KCNJ16: variants seen among roughly 807,000 people sequenced by gnomAD.
KCNJ16 encodes potassium inwardly rectifying channel subfamily J member 16.
A neutral mutation model predicts 18.5 loss-of-function variants in KCNJ16; 15 were observed. The observed-to-expected ratio is 0.81, with a 90% CI of 0.54 to 1.25. The LOEUF (loss-of-function observed/expected upper bound fraction) is 1.25. Among genes scored for constraint, KCNJ16 ranks in the 50% most tolerant of loss-of-function variants. The pLI, the probability that KCNJ16 is intolerant of heterozygous loss-of-function variation, is 0.00. For synonymous variants in KCNJ16, 174 were observed against 186.5 expected, an observed-to-expected ratio of 0.93 and a Z score of 0.55; for missense variants, 523 against 525.7, an observed-to-expected ratio of 0.99 and a Z score of 0.05.
At chr17:70,107,920 T>C (rs1186532119) in intron 2 of KCNJ16, among the ~76,000 whole-genome samples, 1 of 152,190 alleles carries the variant, frequency 6.6e-6, no homozygotes, top group Non-Finnish European at 1.5e-5. Context: ...ATGAAGCTCT[T>C]CCTTAAATTC....
Position 70,133,011 on chromosome 17 carries a change from T to C in KCNJ16, c.924T>C (p.His308=), listed in dbSNP as rs1470205987. The C allele has an allele frequency of 1.2e-6, 2 of 1,613,964 alleles. No individual in the cohort carries two copies. Among genetic ancestry groups the C allele is most frequent in the Non-Finnish European group, 1.7e-6 (2 of 1,179,990 alleles). The change falls in exon 4 of 4, where the codon CAT becomes CAC. Residue 308 remains histidine, a synonymous_variant. Coordinates refer to ENST00000392671, the MANE Select transcript of KCNJ16 (RefSeq NM_170741.4). ...SYVPREILWG[H]RFNDVLEVKR... Reference sequence around the variant, plus strand: ...TTCCCCGAGAAATTCTCTGGGGCCATAGGTTTAATGATGTCTTGGAAGTTA... The same window carrying C: ...TTCCCCGAGAAATTCTCTGGGGCCACAGGTTTAATGATGTCTTGGAAGTTA...
At chr17:70,092,545 TAGATATA>T (rs2072153556) in intron 1 of KCNJ16, among the ~76,000 whole-genome samples, 1 of 111,034 alleles carries the variant, frequency 9.0e-6, no homozygotes, top group African/African-American at 3.8e-5. Context: ...TAGATATAGA[TAGATATA>T]GATAGATGAT....
At chr17:70,102,515 C>T (rs1010926219) in intron 2 of KCNJ16, among the ~76,000 whole-genome samples, 8 of 151,998 alleles carry the variant, frequency 5.3e-5, no homozygotes, top group Admixed American at 2.6e-4. Context: ...CGTGAGCCAC[C>T]GCTACCTGCA....
intron 2 of KCNJ16, among the ~76,000 whole-genome samples, chr17:70,109,878 T>A (rs2073106907): frequency 6.6e-6 from 1 of 152,160 alleles, no homozygotes; most frequent in African/African-American, 2.4e-5. Flanking sequence ...CCCCACAATC[T>A]GCTAGCATGG....
intron 1 of KCNJ16, among the ~76,000 whole-genome samples, chr17:70,081,810 G>C (rs1273175981): frequency 8.2e-6 from 1 of 121,562 alleles, no homozygotes; most frequent in Non-Finnish European, 1.5e-5. Flanking sequence ...CATGCTCTGT[G>C]TGTGTGTGTG....
chr17:70,081,535 A>G (rs1476882181), intron 1 of KCNJ16, among the ~76,000 whole-genome samples: 2 of 152,234 alleles, frequency 1.3e-5, no homozygotes, highest in African/African-American at 2.4e-5. Flanking sequence ...ATCAAGTACA[A>G]TAGAAATCAG....
intron 1 of KCNJ16, among the ~76,000 whole-genome samples, chr17:70,090,541 A>T (rs1441082869): frequency 6.6e-6 from 1 of 152,210 alleles, no homozygotes; most frequent in African/African-American, 2.4e-5. Context: ...CATACGATAG[A>T]CATTGAAAAA....
intron 1 of KCNJ16, among the ~76,000 whole-genome samples, chr17:70,087,183 T>C (rs1246748776): frequency 6.6e-6 from 1 of 151,944 alleles, no homozygotes; most frequent in Non-Finnish European, 1.5e-5. Flanking sequence ...GCTGGGATTA[T>C]AGACATTATC....
intron 2 of KCNJ16, among the ~76,000 whole-genome samples, chr17:70,111,754 CA>C (rs2073193838): frequency 1.3e-5 from 2 of 152,108 alleles, no homozygotes; most frequent in East Asian, 3.9e-4. Flanking sequence ...TAGTAAGTCT[CA>C]CGAGAGCTGA....
chr17:70,112,089 C>G (rs1448829884), intron 2 of KCNJ16, among the ~76,000 whole-genome samples: 1 of 152,186 alleles, frequency 6.6e-6, no homozygotes, highest in Non-Finnish European at 1.5e-5. Flanking sequence ...CTTGATGGCA[C>G]AGCATAGATG....
chr17:70,100,088 T>C (rs535626925), intron 1 of KCNJ16, among the ~76,000 whole-genome samples: 1 of 152,224 alleles, frequency 6.6e-6, no homozygotes, highest in South Asian at 2.1e-4. Context: ...GCAGTTAGAA[T>C]AACAGGAAGC....
chr17:70,104,433 G>A (rs2143893673), intron 2 of KCNJ16, among the ~76,000 whole-genome samples: 1 of 152,312 alleles, frequency 6.6e-6, no homozygotes, highest in Admixed American at 6.5e-5. Context: ...ACGCTTCCTT[G>A]AAACCCAAAT....
intron 1 of KCNJ16, among the ~76,000 whole-genome samples, chr17:70,080,181 T>G (rs868310904): frequency 2.6e-5 from 4 of 152,228 alleles, no homozygotes; most frequent in African/African-American, 9.6e-5. Context: ...ATATTTTGGC[T>G]GTTACATAAT....
chr17:70,131,300 T>G, intron 3 of KCNJ16: 1 of 1,167,900 alleles, frequency 8.6e-7, no homozygotes, highest in Non-Finnish European at 1.1e-6. Flanking sequence ...CTGGGAGTAG[T>G]TTTAGGTCCA....
chr17:70,113,511 C>T (rs2073274664), intron 2 of KCNJ16, among the ~76,000 whole-genome samples: 1 of 152,142 alleles, frequency 6.6e-6, no homozygotes, highest in Non-Finnish European at 1.5e-5. Flanking sequence ...CAGTCCCTTA[C>T]TGTCATTGGT....
At chr17:70,131,808 G>A (rs1478716845) in intron 3 of KCNJ16, among the ~76,000 whole-genome samples, 187 bp from the exon 4 acceptor site, 1 of 152,046 alleles carries the variant, frequency 6.6e-6, no homozygotes, top group Non-Finnish European at 1.5e-5. Flanking sequence ...TTCTCTAATT[G>A]CATATTTTGC....
At chr17:70,108,020 G>C (rs2073010971) in intron 2 of KCNJ16, among the ~76,000 whole-genome samples, 1 of 152,116 alleles carries the variant, frequency 6.6e-6, no homozygotes, top group South Asian at 2.1e-4. Flanking sequence ...TCATGATACA[G>C]ACATTAAATC....
At chr17:70,096,177 C>G (rs2143778333) in intron 1 of KCNJ16, among the ~76,000 whole-genome samples, 1 of 152,168 alleles carries the variant, frequency 6.6e-6, no homozygotes, top group Non-Finnish European at 1.5e-5. Flanking sequence ...GCCACCGCAC[C>G]CAGCCTACTC....
At chr17:70,110,042 A>G (rs1351515906) in intron 2 of KCNJ16, among the ~76,000 whole-genome samples, 1 of 152,200 alleles carries the variant, frequency 6.6e-6, no homozygotes, top group Non-Finnish European at 1.5e-5. Flanking sequence ...ATGACAATAC[A>G]TACTTTAATC....
Sources: gnomAD v4.1 joint callset for allele counts (sites outside exome capture counted in the v4.1 genomes callset) on GRCh38, gnomAD v4.1.1 for gene constraint, MANE v1.5 for transcripts, NCBI Gene and HGNC (gene_info 2026-07-23, HGNC 2026-07-21) for gene names.